The following EYS variants were observed in gnomAD, a reference collection of about 807,000 sequenced individuals.
The protein encoded by EYS is EGF-like photoreceptor maintenance factor.
EYS carries 250 observed loss-of-function variants against 282.1 expected under a neutral mutation model. That is an observed-to-expected ratio of 0.89 (90% confidence interval 0.80 to 0.98). EYS has a LOEUF of 0.98. Among genes scored for constraint, EYS ranks in the 50% least tolerant of loss-of-function variants. EYS has a pLI of 0.00. For missense variants in EYS, 4,016 were observed against 3,709.0 expected (o/e 1.08, Z -2.15); for synonymous variants, 1,355 against 1,282.9 (o/e 1.06, Z -1.20).
chr6:65,026,624 G>T (rs1281264864), intron 13 of EYS, among the ~76,000 whole-genome samples: 1 of 152,080 alleles, frequency 6.6e-6, no homozygotes, highest in Non-Finnish European at 1.5e-5. Flanking sequence ...AACAAGTAAA[G>T]ATTCAGATAT....
intron 26 of EYS, among the ~76,000 whole-genome samples, chr6:64,449,920 C>T (rs1019217657): frequency 4.6e-5 from 7 of 152,068 alleles, no homozygotes; most frequent in African/African-American, 7.2e-5. Context: ...TTGTAAAGAC[C>T]GTCAAGGCTA....
chr6:65,178,057 T>C (rs1280105323), intron 12 of EYS, among the ~76,000 whole-genome samples: 1 of 151,258 alleles, frequency 6.6e-6, no homozygotes, highest in Non-Finnish European at 1.5e-5. Context: ...TAGGTGGGAG[T>C]GAATGTTCCA....
intron 12 of EYS, among the ~76,000 whole-genome samples, chr6:65,086,301 G>A (rs1241425553): frequency 6.6e-6 from 1 of 151,686 alleles, no homozygotes; most frequent in Admixed American, 6.6e-5. Flanking sequence ...AAGCGTCAGA[G>A]TGAGACTCCA....
chr6:64,539,041 T>C (rs1764615200), intron 26 of EYS, among the ~76,000 whole-genome samples: 1 of 152,188 alleles, frequency 6.6e-6, no homozygotes, highest in Non-Finnish European at 1.5e-5. Context: ...AAATGTGGAA[T>C]CATACAGTAA....
chr6:64,573,737 C>T lies in EYS; in HGVS notation c.5644+16486G>A, dbSNP rs530376806. ...AAAACCACAATGAGATGCCATCTCA[C>T]GCCAGTTAGAATGGCGATCATTAAA... is the stretch of plus-strand genomic sequence containing the variant. On this transcript the variant is annotated intron_variant, in intron 26 of 42. Coordinates refer to ENST00000503581, the MANE Select transcript of EYS (RefSeq NM_001142800.2). Among the ~76,000 whole-genome samples, 389 of 152,240 alleles carry T rather than the reference C, an allele frequency of 2.6e-3. 4 individuals are homozygous for T. Among genetic ancestry groups the T allele is most frequent in the African/African-American group, 8.6e-3 (356 of 41,548 alleles).
intron 30 of EYS, among the ~76,000 whole-genome samples, chr6:64,295,787 T>C (rs890973243): frequency 1.3e-5 from 2 of 151,788 alleles, no homozygotes; most frequent in African/African-American, 2.4e-5. Context: ...ACAGCATTTG[T>C]TGCCAATGTT....
intron 35 of EYS, among the ~76,000 whole-genome samples, chr6:63,939,127 G>A (rs1765158114): frequency 6.7e-6 from 1 of 149,436 alleles, no homozygotes; most frequent in Admixed American, 6.6e-5. Flanking sequence ...TCTTTGTGAG[G>A]GGATTTTTTT....
intron 18 of EYS, among the ~76,000 whole-genome samples, chr6:64,887,267 C>G (rs899077056): frequency 4.5e-4 from 55 of 122,536 alleles, no homozygotes; most frequent in African/African-American, 1.7e-3. Context: ...ACATCACACA[C>G]CGGGGACTGT....
intron 15 of EYS, among the ~76,000 whole-genome samples, chr6:64,945,108 A>G (rs1769238223): frequency 6.8e-6 from 1 of 146,264 alleles, no homozygotes; most frequent in Non-Finnish European, 1.5e-5. Context: ...CCCTGGGCCC[A>G]CTGTTGTTTC....
rs868048082 is a variant in EYS, at chr6:64,215,847, A to G, written c.6424+14745T>C. ...TAAATACAATAGAGAAAGGCATAGG[A>G]TACTATAGAAGTGTAGATGATAAAA... On this transcript the variant is annotated intron_variant, in intron 31 of 42. Transcript: ENST00000503581. Among the ~76,000 whole-genome samples, 3 of 152,182 alleles carry G rather than the reference A, an allele frequency of 2.0e-5. No individual in the cohort carries two copies. The South Asian group carries it at 6.2e-4, about 31-fold the overall frequency.
chr6:65,507,012 CTTTA>C (rs2127283054), intron 2 of EYS, among the ~76,000 whole-genome samples: 1 of 152,104 alleles, frequency 6.6e-6, no homozygotes, highest in African/African-American at 2.4e-5. Flanking sequence ...TTTGTTTTAT[CTTTA>C]TTTATTCCTT....
chr6:64,704,493 AT>A (rs1770910780), intron 22 of EYS, among the ~76,000 whole-genome samples: 15 of 12,592 alleles, frequency 1.2e-3, no homozygotes, highest in Non-Finnish European at 3.9e-3. Context: ...TATAATTATA[AT>A]ATAATACTTA....
At chr6:64,196,162 A>G (rs1280547352) in intron 31 of EYS, among the ~76,000 whole-genome samples, 1 of 152,238 alleles carries the variant, frequency 6.6e-6, no homozygotes, top group Non-Finnish European at 1.5e-5. Context: ...ATCACTGGCC[A>G]TCAGAGAAAT....
chr6:64,301,135 A>C (rs906018987), intron 30 of EYS, among the ~76,000 whole-genome samples: 2 of 152,236 alleles, frequency 1.3e-5, no homozygotes, highest in East Asian at 1.9e-4. Context: ...TCTTGGGTAC[A>C]TACTAACTTC....
chr6:65,657,951 G>A (rs762663761), intron 1 of EYS, among the ~76,000 whole-genome samples: 6 of 151,806 alleles, frequency 4.0e-5, no homozygotes, highest in African/African-American at 9.7e-5. Context: ...TCCTCCACCA[G>A]CACAAACATC....
At chr6:65,201,473 T>C (rs1365875684) in intron 12 of EYS, among the ~76,000 whole-genome samples, 1 of 152,166 alleles carries the variant, frequency 6.6e-6, no homozygotes, top group African/African-American at 2.4e-5. Flanking sequence ...AGTGGCTCCA[T>C]TGGCTAGGTT....
At chr6:64,799,810 A>C (rs1222389761) in intron 22 of EYS, among the ~76,000 whole-genome samples, 1 of 151,852 alleles carries the variant, frequency 6.6e-6, no homozygotes, top group East Asian at 1.9e-4. Flanking sequence ...GAATATCTAC[A>C]TAAATAAAGT....
chr6:63,941,609 A>G (rs9359685), intron 35 of EYS, among the ~76,000 whole-genome samples: 47,870 of 152,024 alleles, frequency 0.31, 7,617 homozygotes, highest in Admixed American at 0.39. Context: ...TTTAATTCAG[A>G]TAAGTGCCCT....
intron 5 of EYS, among the ~76,000 whole-genome samples, chr6:65,471,203 G>T (rs1391718048): frequency 2.1e-5 from 3 of 144,340 alleles, no homozygotes; most frequent in Non-Finnish European, 4.5e-5. Flanking sequence ...CACCAGCCTG[G>T]GCAACATAGT....
Sources: allele counts gnomAD v4.1 joint callset (sites outside exome capture counted in the v4.1 genomes callset), GRCh38; gene constraint gnomAD v4.1.1; transcripts MANE v1.5; gene names NCBI Gene and HGNC (gene_info 2026-07-23, HGNC 2026-07-21).